Variants in DNAH1 observed in about 807,000 individuals in gnomAD.
DNAH1 encodes the protein axonemal beta dynein heavy chain 1.
A neutral mutation model predicts 484.3 loss-of-function variants in DNAH1; 327 were observed. The observed-to-expected ratio is 0.68, with a 90% CI of 0.62 to 0.74. The LOEUF (loss-of-function observed/expected upper bound fraction) is 0.74. Among genes scored for constraint, DNAH1 ranks in the 30% least tolerant of loss-of-function variants. The pLI is 0.00. For missense variants in DNAH1, 5,052 were observed against 5,546.8 expected (o/e 0.91, Z 2.83); for synonymous variants, 2,192 against 2,191.9 (o/e 1.00, Z 0.00).
Position 52,391,280 on chromosome 3 carries a change from C to T in DNAH1, c.9843C>T (p.Asn3281=), listed in dbSNP as rs780085276. 32 of 1,613,078 alleles carry T rather than the reference C, an allele frequency of 2.0e-5. No individual in the cohort carries two copies. The South Asian group carries it at 2.1e-4, about 11-fold the overall frequency. The change falls in exon 62 of 78, where the codon AAC becomes AAT. Residue 3281 remains asparagine (N), a synonymous_variant. Transcript: ENST00000420323. The part of the protein sequence containing the change: ...IRFGKPCLLE[N]VGEELDPALE... ...TTGGCAAGCCATGTCTCCTGGAGAA[C>T]GTGGGCGAGGAGCTAGACCCAGCCC...
chr3:52,338,436 A>G (rs150508109), intron 8 of DNAH1, among the ~76,000 whole-genome samples: 85 of 152,332 alleles, frequency 5.6e-4, no homozygotes, highest in Middle Eastern at 3.4e-3. Flanking sequence ...CTGTTAAAAT[A>G]TTATTACTAT....
At position 52,371,636 on chromosome 3, in the gene DNAH1, C is replaced by T. The variant is rs111659222; in HGVS notation, c.6526-310C>T. On this transcript the variant is annotated intron_variant, in intron 41 of 77. Coordinates refer to ENST00000420323, the MANE Select transcript of DNAH1 (RefSeq NM_015512.5). ...ATTCTGGGTTGTTCAATTCTCGGAG[C>T]TTCTCCTTTCTGCAGAGACTCAGGG... is the stretch of plus-strand genomic sequence containing the variant. Among the ~76,000 whole-genome samples the T allele has an allele frequency of 2.0e-4, 31 of 152,352 alleles. 1 individual carries two copies. Among genetic ancestry groups the T allele is most frequent in the Middle Eastern group, 3.4e-3 (1 of 294 alleles).
Position 52,399,042 on chromosome 3 carries a change from G to T in DNAH1, c.12282G>T (p.Leu4094=). The T allele has an allele frequency of 6.2e-7, 1 of 1,614,048 alleles. No homozygotes were observed. Among genetic ancestry groups the T allele is most frequent in the Non-Finnish European group, 8.5e-7 (1 of 1,179,896 alleles). The change falls in exon 76 of 78, where the codon CTG becomes CTT. Residue 4094 remains leucine (L), a synonymous_variant. Transcript: ENST00000420323. ...TGTCATCATGGGTCATGGACCTGCT[G>T]CAACGCCTGGACTTTCTGCAGGCCT... is the stretch of plus-strand genomic sequence containing the variant. ...KPLSSWVMDL[L]QRLDFLQAWI...
At position 52,379,668 on chromosome 3, in the gene DNAH1, G is replaced by T. The variant is rs1409906476; in HGVS notation, c.7378-237G>T. On this transcript the variant is annotated intron_variant, in intron 47 of 77. Transcript: ENST00000420323. The surrounding 1 kb of genome is among the most constrained non-coding windows in gnomAD (Gnocchi z 4.4). ...CACCCAGAGGGCACTTGGCCAGCTG[G>T]ACTCGGAGCTGAGGCATGAGGAGGC... 6.6e-6 allele frequency among the ~76,000 whole-genome samples: 1 copy of T among 152,188 alleles called. No homozygotes were observed. Among genetic ancestry groups the T allele is most frequent in the East Asian group, 1.9e-4 (1 of 5,184 alleles).
rs1413249950 is a variant in DNAH1, at chr3:52,365,026, C to T, written c.5518+7C>T. 1 of 1,604,122 alleles carries T rather than the reference C, an allele frequency of 6.2e-7. No homozygotes were observed. Among genetic ancestry groups the T allele is most frequent in the African/African-American group, 1.3e-5 (1 of 74,798 alleles). On this transcript the variant is annotated splice_region_variant and intron_variant, in intron 34 of 77. Transcript: ENST00000420323. ...AACCTCAAGGATGTGGAGGGTGAGC[C>T]TCGGGCCCTGAGTGTTCGTGGAGGG...
In DNAH1 at chr3:52,362,998, C is replaced by T. The variant is rs1350727763; in HGVS notation, c.5098C>T (p.Leu1700Phe). The T allele has an allele frequency of 6.2e-7, 1 of 1,613,822 alleles. No homozygotes were observed. Among genetic ancestry groups the T allele is most frequent in the East Asian group, 2.2e-5 (1 of 44,902 alleles). ...RTELPDNLKA[L>F]FRPVAMMVPD... ...ACATGTGCACTGTGTGTCCCAGGCG[C>T]TCTTCCGACCCGTGGCCATGATGGT... Residue 1700 changes from leucine (L) to phenylalanine (F), a missense_variant, in exon 32 of 78, where the codon CTC becomes TTC. Transcript: ENST00000420323. The surrounding 1 kb of genome is among the most constrained non-coding windows in gnomAD (Gnocchi z 5.1).
Position 52,370,773 on chromosome 3 carries a change from C to T in DNAH1, c.6473C>T (p.Ala2158Val), listed in dbSNP as rs775604295. ...GLVFDYRLED[A>V]GISGTNDSED... ...GTGTTCGATTACAGGCTGGAGGACG[C>T]GGGCATCAGTGGCACCAACGACAGT... is the stretch of plus-strand genomic sequence containing the variant. Residue 2158 changes from alanine to valine, a missense_variant, in exon 41 of 78, where the codon GCG becomes GTG. By Grantham distance (64) the Ala-to-Val change is moderately conservative (BLOSUM62 0). This residue lies in a region of DNAH1 where 2,929 missense variants were observed against 3,409.4 expected (regional missense o/e 0.86). Transcript: ENST00000420323. The T allele has an allele frequency of 2.0e-5, 32 of 1,607,654 alleles. No individual in the cohort carries two copies. The highest frequency in any genetic ancestry group is 6.8e-5 in the Admixed American group (4 of 59,096).
At chr3:52,389,726 C>A in intron 60 of DNAH1, 140 bp downstream of exon 60, 1 of 1,035,710 alleles carries the variant, frequency 9.7e-7, no homozygotes, top group Non-Finnish European at 1.3e-6. Flanking sequence ...CTGTGCCCAG[C>A]AAGAGGGTGG....
intron 45 of DNAH1, 115 bp downstream of exon 45, chr3:52,375,528 A>G: frequency 8.6e-7 from 1 of 1,158,112 alleles, no homozygotes; most frequent in South Asian, 1.5e-5. Context: ...CATGACCGCA[A>G]CCCTGGGTTC....
At chr3:52,384,213 A>T (rs1450036518) in intron 52 of DNAH1, among the ~76,000 whole-genome samples, 182 bp downstream of exon 52, 1 of 152,234 alleles carries the variant, frequency 6.6e-6, no homozygotes, top group Admixed American at 6.5e-5. Context: ...GCCACAGGTC[A>T]TCACAGTGAC....
chr3:52,352,655 T>C lies in DNAH1; in HGVS notation c.2975T>C (p.Leu992Pro). The C allele has an allele frequency of 6.2e-7, 1 of 1,612,672 alleles. No homozygotes were observed. Among genetic ancestry groups the C allele is most frequent in the Non-Finnish European group, 8.5e-7 (1 of 1,179,720 alleles). Residue 992 changes from leucine (L) to proline (P), a missense_variant, in exon 18 of 78, where the codon CTG (leucine) becomes CCG (proline). Leu to Pro is a moderately conservative substitution (Grantham distance 98). Coordinates refer to ENST00000420323, the MANE Select transcript of DNAH1 (RefSeq NM_015512.5). Reference protein sequence around the residue: ...VKKQLKDCQQLAMLYNNRERI... With the variant: ...VKKQLKDCQQPAMLYNNRERI... ...AAGCAGCTGAAGGACTGCCAGCAGCTGGCCATGCTCTACAACAACCGCGAG... is the reference window on the plus strand; with the variant it reads ...AAGCAGCTGAAGGACTGCCAGCAGCCGGCCATGCTCTACAACAACCGCGAG...
chr3:52,378,435 TG>T (rs988266391), intron 46 of DNAH1, among the ~76,000 whole-genome samples, 166 bp from the exon 47 acceptor site: 38 of 146,768 alleles, frequency 2.6e-4, no homozygotes, highest in Admixed American at 4.8e-4. Flanking sequence ...TCCCCCAAGC[TG>T]GGGGCATCCG....
In DNAH1 at chr3:52,396,617, G is replaced by A. The variant is rs1704640015; in HGVS notation, c.11431-1G>A. ...CCTCCCCTGCCTCCCACCTCCCCCAGGTGATGGAGTTCAAGTCTCTGCTGC... is the reference window on the plus strand; with the variant it reads ...CCTCCCCTGCCTCCCACCTCCCCCAAGTGATGGAGTTCAAGTCTCTGCTGC... On this transcript the variant is annotated splice_acceptor_variant, in intron 71 of 77. Coordinates refer to ENST00000420323, the MANE Select transcript of DNAH1 (RefSeq NM_015512.5). LOFTEE classifies it high-confidence loss of function. 6.2e-7 allele frequency: 1 copy of A among 1,611,556 alleles called. No individual in the cohort carries two copies. The highest frequency in any genetic ancestry group is 1.1e-5 in the South Asian group (1 of 91,002).
intron 35 of DNAH1, 48 bp from the exon 36 acceptor site, chr3:52,366,685 C>G (rs1703090008): frequency 6.3e-7 from 1 of 1,587,340 alleles, no homozygotes; most frequent in Non-Finnish European, 8.6e-7. Flanking sequence ...CCAGCCCACT[C>G]TAGCCCTGCT....
In DNAH1 at chr3:52,353,678, C is replaced by G. The variant is rs766702616; in HGVS notation, c.3480+45C>G. 8.9e-5 allele frequency: 138 copies of G among 1,553,394 alleles called. No individual in the cohort carries two copies. Among genetic ancestry groups the G allele is most frequent in the Middle Eastern group, 3.3e-4 (2 of 5,984 alleles). On this transcript the variant is annotated intron_variant, in intron 20 of 77. Coordinates refer to ENST00000420323, the MANE Select transcript of DNAH1 (RefSeq NM_015512.5). The surrounding 1 kb of genome is among the most constrained non-coding windows in gnomAD (Gnocchi z 5.0). ...CCCAGCCACTCCAGCCAGGCCCTGC[C>G]GGACAGCCTGACCTCCTGCTCTGGC... is the stretch of plus-strand genomic sequence containing the variant.
chr3:52,344,571 C>T lies in DNAH1; in HGVS notation c.1368C>T (p.His456=), dbSNP rs1222554879. 5.6e-6 allele frequency: 9 copies of T among 1,614,034 alleles called. No individual in the cohort carries two copies. The highest frequency in any genetic ancestry group is 2.2e-5 in the East Asian group (1 of 44,884). ...ERSMNKINFD[H]VVSSKPETFS... is the part of the protein sequence containing the mutation. Reference sequence around the variant, plus strand: ...GCATGAACAAGATCAACTTTGACCACGTTGTCTCTTCCAAGCCCGAGACCT... The same window carrying T: ...GCATGAACAAGATCAACTTTGACCATGTTGTCTCTTCCAAGCCCGAGACCT... Residue 456 remains histidine (H), a synonymous_variant, in exon 9 of 78, where the codon CAC becomes CAT. Transcript: ENST00000420323.
At position 52,356,739 on chromosome 3, in the gene DNAH1, C is replaced by T. The variant is rs773471726; in HGVS notation, c.3819C>T (p.Ile1273=). The change falls in exon 22 of 78, where the codon ATC becomes ATT. Residue 1273 remains isoleucine (I), a synonymous_variant. Coordinates refer to ENST00000420323, the MANE Select transcript of DNAH1 (RefSeq NM_015512.5). The part of the protein sequence containing the change: ...ESKRYQTMER[I]WKKIMKNAYE... Reference sequence around the variant, plus strand: ...AGCGCTACCAGACCATGGAGCGGATCTGGAAGAAGATCATGAAGAATGCCT... The same window carrying T: ...AGCGCTACCAGACCATGGAGCGGATTTGGAAGAAGATCATGAAGAATGCCT... 4 of 1,613,358 alleles carry T rather than the reference C, an allele frequency of 2.5e-6. No homozygotes were observed. In the Admixed American group the frequency reaches 6.7e-5, roughly 27 times the overall value.
rs1023663521 is a variant in DNAH1 at position 52,394,560 on chromosome 3, C to T, written c.10722C>T (p.Ile3574=). The change falls in exon 67 of 78, where the codon ATC becomes ATT. Residue 3574 remains isoleucine (I), a synonymous_variant. Transcript: ENST00000420323. The stretch of plus-strand genomic sequence containing the variant: ...TGTCAGACCGGGCTTGGCGAGACAT[C>T]CTAGCACTCTCGAACCTGCCAACCT... ...DWLSDRAWRD[I]LALSNLPTFS... 1.9e-6 allele frequency: 3 copies of T among 1,613,596 alleles called. No homozygotes were observed. The highest frequency in any genetic ancestry group is 2.7e-5 in the African/African-American group (2 of 74,926).
chr3:52,350,119 C>T lies in DNAH1; in HGVS notation c.2646+11C>T, dbSNP rs771909958. On this transcript the variant is annotated intron_variant, in intron 15 of 77. Coordinates refer to ENST00000420323, the MANE Select transcript of DNAH1 (RefSeq NM_015512.5). The stretch of plus-strand genomic sequence containing the variant: ...CTGGTGGGCCTGGAGGTGAGGCAGG[C>T]ACACGGGCACTGGGGCCAGGGAGGC... The T allele has an allele frequency of 3.1e-6, 5 of 1,608,302 alleles. No individual in the cohort carries two copies. Among genetic ancestry groups the T allele is most frequent in the South Asian group, 2.2e-5 (2 of 89,912 alleles).
Sources: allele counts gnomAD v4.1 joint callset (sites outside exome capture counted in the v4.1 genomes callset), GRCh38; gene constraint gnomAD v4.1.1; regional missense constraint gnomAD v4.1.1; non-coding constraint Gnocchi (gnomAD v3.1); transcripts MANE v1.5; gene names NCBI Gene and HGNC (gene_info 2026-07-23, HGNC 2026-07-21).